Variants in CENPI observed in about 807,000 individuals in gnomAD.
CENPI encodes centromere protein I.
A neutral mutation model predicts 60.4 loss-of-function variants in CENPI; 4 were observed. The observed-to-expected ratio is 0.07, with a 90% CI of 0.03 to 0.15. CENPI has a LOEUF of 0.15. CENPI is among the 10% of genes least tolerant of loss of function. CENPI has a pLI of 1.00. For missense variants in CENPI, 444 were observed against 534.5 expected (o/e 0.83, Z 1.67); for synonymous variants, 157 against 189.4 (o/e 0.83, Z 1.40).
rs1363613276 is a variant in CENPI, at chrX:101,127,218, A to T, written c.858A>T (p.Glu286Asp). 8.4e-7 allele frequency: 1 copy of T among 1,196,203 alleles called. No individual in the cohort carries two copies. Among genetic ancestry groups the T allele is most frequent in the Non-Finnish European group, 1.1e-6 (1 of 888,871 alleles). Reference protein sequence around the residue: ...VKQRNRGPSPEPLKLMLGPAN... With the variant: ...VKQRNRGPSPDPLKLMLGPAN... Reference sequence around the variant, plus strand: ...AAAGAAACCGGGGACCTTCTCCAGAACCTCTGAAGTTGATGTTAGGTCCAG... The same window carrying T: ...AAAGAAACCGGGGACCTTCTCCAGATCCTCTGAAGTTGATGTTAGGTCCAG... Residue 286 changes from glutamate to aspartate, a missense_variant, in exon 10 of 22, where the codon GAA (glutamate) becomes GAT (aspartate). Coordinates refer to ENST00000682095, the MANE Select transcript of CENPI (RefSeq NM_001386188.2).
chrX:101,125,746 C>T (rs1003313344), intron 8 of CENPI, among the ~76,000 whole-genome samples: 1 of 111,613 alleles, frequency 9.0e-6, no homozygotes, highest in African/African-American at 3.3e-5. Flanking sequence ...TGGGAGAACC[C>T]AGAATTAATC....
chrX:101,144,799 A>G (rs1193520194), intron 16 of CENPI, among the ~76,000 whole-genome samples: 1 of 111,022 alleles, frequency 9.0e-6, no homozygotes, highest in African/African-American at 3.3e-5. Context: ...ATCTGCTTGG[A>G]GCTTAATACT....
chrX:101,160,375 CT>C (rs763855508), intron 20 of CENPI, among the ~76,000 whole-genome samples: 2,234 of 81,308 alleles, frequency 0.027, 52 homozygotes, highest in African/African-American at 0.088. Context: ...GCTTTTAGTT[CT>C]TTTTTTTTTT....
At chrX:101,109,811 G>T in intron 5 of CENPI, 80 bp from the exon 6 acceptor site, 1 of 680,218 alleles carries the variant, frequency 1.5e-6, no homozygotes, top group Non-Finnish European at 2.3e-6. Flanking sequence ...TAGCCCTGGT[G>T]GCGGGGGACG....
chrX:101,100,582 GTTTTTGTAT>G (rs1569496911), intron 2 of CENPI: 1 of 112,683 alleles, frequency 8.9e-6, no homozygotes, highest in Non-Finnish European at 1.9e-5. Context: ...TGCCCAACTA[GTTTTTGTAT>G]TTTTTAGCAG....
At chrX:101,173,891 G>A in the CENPI span, among the ~76,000 whole-genome samples, 1 of 110,597 alleles carries the variant, frequency 9.0e-6, no homozygotes, top group African/African-American at 3.3e-5. Context: ...AATCTAAAAG[G>A]AACTTAACAA....
chrX:101,166,258 C>T (rs2090143896), downstream of CENPI, among the ~76,000 whole-genome samples: 2 of 112,060 alleles, frequency 1.8e-5, no homozygotes, highest in South Asian at 3.7e-4. Context: ...CGGATTCAAG[C>T]GATTCTCCTG....
At chrX:101,181,442 C>T in the CENPI span, among the ~76,000 whole-genome samples, 1 of 112,020 alleles carries the variant, frequency 8.9e-6, no homozygotes, top group African/African-American at 3.2e-5. Flanking sequence ...ACATGAACAC[C>T]AGATGTTTTT....
intron 15 of CENPI, among the ~76,000 whole-genome samples, chrX:101,135,026 T>A (rs964773173): frequency 9.1e-6 from 1 of 109,493 alleles, no homozygotes; most frequent in African/African-American, 3.3e-5. Flanking sequence ...AAAAAAAAAA[T>A]TTACAAAATT....
intron 20 of CENPI, among the ~76,000 whole-genome samples, chrX:101,158,478 A>G (rs1211885093): frequency 1.8e-5 from 2 of 109,185 alleles, no homozygotes; most frequent in Non-Finnish European, 3.8e-5. Context: ...GAGTTTCACC[A>G]TGTTGACCAG....
In CENPI at chrX:101,162,838, G is replaced by T; in HGVS notation, c.2142G>T (p.Lys714Asn). Residue 714 changes from lysine to asparagine, a missense_variant, in exon 22 of 22, where the codon AAG becomes AAT. Transcript: ENST00000682095. ...TCCTTTTTCTGTGCCTGCAGGGAAAGAAATGGAGCTGGTATTTGGACTATT... is the reference window on the plus strand; with the variant it reads ...TCCTTTTTCTGTGCCTGCAGGGAAATAAATGGAGCTGGTATTTGGACTATT... The part of the protein sequence containing the change: ...RTVNVSSIRG[K>N]KWSWYLDYLF... 8.3e-7 allele frequency: 1 copy of T among 1,208,971 alleles called. No individual in the cohort carries two copies. Among genetic ancestry groups the T allele is most frequent in the East Asian group, 3.0e-5 (1 of 33,749 alleles).
chrX:101,120,554 C>A, intron 7 of CENPI, 104 bp downstream of exon 7: 2 of 596,778 alleles, frequency 3.4e-6, no homozygotes, highest in South Asian at 6.3e-5. Context: ...TGACAGAAGT[C>A]ATTTTGTGGA....
chrX:101,151,310 C>A (rs184390268), intron 20 of CENPI, among the ~76,000 whole-genome samples: 3 of 111,562 alleles, frequency 2.7e-5, no homozygotes, highest in East Asian at 5.6e-4. Flanking sequence ...ATTTAATTAC[C>A]TTAGTTCTTT....
chrX:101,150,370 T>A (rs1036446488), intron 20 of CENPI, among the ~76,000 whole-genome samples: 3 of 81,057 alleles, frequency 3.7e-5, no homozygotes, highest in African/African-American at 1.3e-4. Context: ...GCCTTATTAT[T>A]TTTTTTTTTT....
rs369521637 is a variant in CENPI at position 101,140,660 on chromosome X, C to T, written c.1471-6C>T. ...ATGAAATCTTTTTTCATTTTGTCCC[C>T]CTCAGTGTAGTGTGCTTCAGAGTCT... is the stretch of plus-strand genomic sequence containing the variant. On this transcript the variant is annotated splice_polypyrimidine_tract_variant and splice_region_variant and intron_variant, in intron 15 of 21. Coordinates refer to ENST00000682095, the MANE Select transcript of CENPI (RefSeq NM_001386188.2). 4.3e-6 allele frequency: 5 copies of T among 1,158,518 alleles called. No individual in the cohort carries two copies. The African/African-American group carries it at 9.0e-5, about 21-fold the overall frequency.
chrX:101,178,398 C>CTTTT, the CENPI span, among the ~76,000 whole-genome samples: 88 of 39,970 alleles, frequency 2.2e-3, 1 homozygote, highest in Non-Finnish European at 3.4e-3. Context: ...TTTTCTTCTT[C>CTTTT]TTTTTTTTTT....
At chrX:101,168,025 CTA>C (rs201117311), downstream of CENPI, among the ~76,000 whole-genome samples, 810 of 112,047 alleles carry the variant, frequency 7.2e-3, 10 homozygotes, top group African/African-American at 0.025. Context: ...GGTATAATAC[CTA>C]TAGAGGAAGA....
intron 20 of CENPI, among the ~76,000 whole-genome samples, chrX:101,158,427 A>T (rs1318775371): frequency 1.9e-5 from 2 of 107,672 alleles, no homozygotes; most frequent in Non-Finnish European, 3.8e-5. Flanking sequence ...ACAGGCACGT[A>T]CCACCACGCC....
rs758991635 is a variant in CENPI, at chrX:101,162,737, G to A, written c.2137-96G>A. On this transcript the variant is annotated intron_variant, in intron 21 of 21. Transcript: ENST00000682095. ...CGAACTAATTTTGATATGTGCATGC[G>A]GGATGCTGCAAACTCTTCCTAGGGA... is the stretch of plus-strand genomic sequence containing the variant. The A allele has an allele frequency of 3.7e-4, 359 of 964,533 alleles. 1 individual carries two copies. In the South Asian group the frequency reaches 4.1e-3, roughly 11 times the overall value. 79.5% of individuals were successfully genotyped at this position (964,533 alleles called of 1,213,427 possible).
Sources: allele counts gnomAD v4.1 joint callset (sites outside exome capture counted in the v4.1 genomes callset), GRCh38; gene constraint gnomAD v4.1.1; transcripts MANE v1.5; gene names NCBI Gene and HGNC (gene_info 2026-07-23, HGNC 2026-07-21).